ACVR1: variants seen among roughly 807,000 people sequenced by gnomAD.
ACVR1 encodes activin receptor type-1.
Under a neutral mutation model 57.1 loss-of-function variants are expected in ACVR1, and 38 were observed. The observed-to-expected ratio is 0.67, with a 90% CI of 0.51 to 0.87. The LOEUF is 0.87. Ranked by LOEUF, ACVR1 falls within the 40% of genes least tolerant of loss-of-function variation. The probability of loss-of-function intolerance (pLI) is 0.00; values close to 1 mark genes in which losing one functional copy is unlikely to be tolerated. For synonymous variants in ACVR1, 212 were observed against 228.1 expected, an observed-to-expected ratio of 0.93 and a Z score of 0.63; for missense variants, 463 against 638.2, an observed-to-expected ratio of 0.73 and a Z score of 2.96.
At position 157,866,870 on chromosome 2, in the gene ACVR1, T is replaced by C. The variant is rs74610292; in HGVS notation, c.-183+8926A>G. ...AACTGTTTGTAGCTGGTTCATTTTATCATTCAGACCTCAACCCACTTCTTC... is the reference window on the plus strand; with the variant it reads ...AACTGTTTGTAGCTGGTTCATTTTACCATTCAGACCTCAACCCACTTCTTC... On this transcript the variant is annotated intron_variant, in intron 1 of 10. Coordinates refer to ENST00000434821, the MANE Select transcript of ACVR1 (RefSeq NM_001111067.4). 3.0e-3 allele frequency among the ~76,000 whole-genome samples: 450 copies of C among 152,352 alleles called. 2 individuals carry two copies. The highest frequency in any genetic ancestry group is 0.01 in the African/African-American group (420 of 41,578).
intron 8 of ACVR1, among the ~76,000 whole-genome samples, 180 bp downstream of exon 8, chr2:157,765,741 G>C (rs1685838576): frequency 6.6e-6 from 1 of 152,154 alleles, no homozygotes; most frequent in Non-Finnish European, 1.5e-5. Context: ...TAATGCTTAA[G>C]GATAGTAAAA....
chr2:157,738,762 C>A (rs1295941620), intron 9 of ACVR1, among the ~76,000 whole-genome samples, 192 bp from the exon 10 acceptor site: 1 of 152,138 alleles, frequency 6.6e-6, no homozygotes, highest in African/African-American at 2.4e-5. Context: ...AAATACACAC[C>A]CTGCATGGTA....
At chr2:157,800,000 A>T (rs572265563) in intron 2 of ACVR1, among the ~76,000 whole-genome samples, 47 of 152,354 alleles carry the variant, frequency 3.1e-4, no homozygotes, top group South Asian at 2.7e-3. Context: ...ACCTACATCA[A>T]CATACAGACC....
intron 7 of ACVR1, among the ~76,000 whole-genome samples, chr2:157,769,139 A>G (rs1685984846): frequency 1.3e-5 from 2 of 152,194 alleles, no homozygotes; most frequent in Non-Finnish European, 2.9e-5. Context: ...CTGAGAAAGG[A>G]CAGTGAGACC....
chr2:157,821,130 C>T (rs941691288), intron 1 of ACVR1, among the ~76,000 whole-genome samples: 12 of 152,122 alleles, frequency 7.9e-5, no homozygotes, highest in African/African-American at 2.2e-4. Flanking sequence ...TAGGCAAGCT[C>T]GGCACACCTG....
chr2:157,866,308 T>C (rs1689931594), intron 1 of ACVR1, among the ~76,000 whole-genome samples: 1 of 152,104 alleles, frequency 6.6e-6, no homozygotes, highest in African/African-American at 2.4e-5. Flanking sequence ...CACTTGGGCT[T>C]AGAATGTCCT....
At chr2:157,828,907 C>G (rs1688488109) in intron 1 of ACVR1, among the ~76,000 whole-genome samples, 1 of 152,104 alleles carries the variant, frequency 6.6e-6, no homozygotes, top group South Asian at 2.1e-4. Context: ...GCTGGGATTA[C>G]AGGCACCCAC....
rs929581461 is a variant in ACVR1 at position 157,782,591 on chromosome 2, A to G, written c.68-1991T>C. Among the ~76,000 whole-genome samples, 13 of 152,310 alleles carry G rather than the reference A, an allele frequency of 8.5e-5. 1 individual carries two copies. The highest frequency in any genetic ancestry group is 7.2e-4 in the Admixed American group (11 of 15,300). On this transcript the variant is annotated intron_variant, in intron 3 of 10. Transcript: ENST00000434821. ...CTTGCCAAAAGAGAGCTGAAGGATA[A>G]TATTTCCAGGGAGTCTAGACATGCT...
At chr2:157,741,773 C>T (rs757095034) in intron 9 of ACVR1, among the ~76,000 whole-genome samples, 13 of 152,010 alleles carry the variant, frequency 8.6e-5, no homozygotes, top group Non-Finnish European at 1.6e-4. Context: ...GACAGTGGCA[C>T]TTGGCAGGGC....
intron 8 of ACVR1, among the ~76,000 whole-genome samples, chr2:157,765,322 C>G (rs1305475725): frequency 6.6e-6 from 1 of 152,040 alleles, no homozygotes; most frequent in Non-Finnish European, 1.5e-5. Context: ...TTTTAGAGAC[C>G]ACTTTTAAGA....
chr2:157,832,479 G>C lies in ACVR1; in HGVS notation c.-182-13920C>G, dbSNP rs560898300. Among the ~76,000 whole-genome samples the C allele has an allele frequency of 4.6e-5, 7 of 152,244 alleles. No homozygotes were observed. The South Asian group carries it at 1.5e-3, about 32-fold the overall frequency. ...GATGCTTTGCAGTAGGGGTGATATGGGGTGGGAAGATGGGGATGTGTCTGC... is the reference window on the plus strand; with the variant it reads ...GATGCTTTGCAGTAGGGGTGATATGCGGTGGGAAGATGGGGATGTGTCTGC... On this transcript the variant is annotated intron_variant, in intron 1 of 10. Transcript: ENST00000434821.
At chr2:157,871,660 G>A (rs1690117195) in intron 1 of ACVR1, among the ~76,000 whole-genome samples, 1 of 152,150 alleles carries the variant, frequency 6.6e-6, no homozygotes, top group Admixed American at 6.5e-5. Context: ...CGTGGCTCTG[G>A]AAAACAAAGC....
intron 1 of ACVR1, among the ~76,000 whole-genome samples, chr2:157,856,087 T>C (rs1466626007): frequency 6.6e-6 from 1 of 152,098 alleles, no homozygotes; most frequent in African/African-American, 2.4e-5. Context: ...ACAGATTCTT[T>C]GACAAGACTC....
intron 3 of ACVR1, among the ~76,000 whole-genome samples, chr2:157,787,030 G>A (rs537758030): frequency 1.0e-3 from 154 of 150,168 alleles, no homozygotes; most frequent in Middle Eastern, 3.4e-3. Flanking sequence ...TGCTGAAGCT[G>A]AGAAAAAAAA....
intron 9 of ACVR1, 81 bp from the exon 10 acceptor site, chr2:157,738,651 T>A: frequency 6.3e-7 from 1 of 1,593,310 alleles, no homozygotes; most frequent in African/African-American, 1.3e-5. Context: ...GTGTCACAGG[T>A]TATAATGTGA....
At chr2:157,795,071 A>G (rs1041085627) in intron 3 of ACVR1, among the ~76,000 whole-genome samples, 1 of 152,082 alleles carries the variant, frequency 6.6e-6, no homozygotes, top group African/African-American at 2.4e-5. Flanking sequence ...TTTATGTCCC[A>G]AGAATGTGAT....
intron 3 of ACVR1, chr2:157,790,045 G>A (rs1008930481): frequency 1.3e-5 from 2 of 152,416 alleles, no homozygotes; most frequent in African/African-American, 4.8e-5. Flanking sequence ...CTGCTCAGAA[G>A]CCTGCTGCTT....
At chr2:157,826,347 G>A (rs1040931999) in intron 1 of ACVR1, among the ~76,000 whole-genome samples, 1 of 152,114 alleles carries the variant, frequency 6.6e-6, no homozygotes, top group Non-Finnish European at 1.5e-5. Context: ...AATATTTGTG[G>A]CATGAATGAA....
At chr2:157,873,069 G>T (rs1240228615) in intron 1 of ACVR1, among the ~76,000 whole-genome samples, 2 of 152,270 alleles carry the variant, frequency 1.3e-5, no homozygotes, top group Non-Finnish European at 1.5e-5. Flanking sequence ...TCAAAAAAAT[G>T]ATGTCTTTAG....
Sources: gnomAD v4.1 joint callset for allele counts (sites outside exome capture counted in the v4.1 genomes callset) on GRCh38, gnomAD v4.1.1 for gene constraint, MANE v1.5 for transcripts, NCBI Gene and HGNC (gene_info 2026-07-23, HGNC 2026-07-21) for gene names.